Variants in TOPBP1 observed in about 807,000 individuals in gnomAD.
TOPBP1 encodes the protein DNA topoisomerase II binding protein 1, also known as DNA topoisomerase 2-binding protein 1.
Under a neutral mutation model 167.7 loss-of-function variants are expected in TOPBP1, and 28 were observed. The observed-to-expected ratio is 0.17, with a 90% CI of 0.12 to 0.23. TOPBP1 has a LOEUF of 0.23. Ranked by LOEUF, TOPBP1 falls within the 10% of genes least tolerant of loss-of-function variation. The pLI is 1.00. For synonymous variants in TOPBP1, 598 were observed against 611.4 expected (o/e 0.98, Z 0.32); for missense variants, 1,554 against 1,809.6 (o/e 0.86, Z 2.56).
rs747734437 is a variant in TOPBP1 at position 133,652,449 on chromosome 3, T to A, written c.1089+14A>T. The stretch of plus-strand genomic sequence containing the variant: ...TATATCATCTACTGCATGTATTATA[T>A]AATAAAGACGTACCCGACAACCATC... On this transcript the variant is annotated intron_variant, in intron 8 of 27. Coordinates refer to ENST00000260810, the MANE Select transcript of TOPBP1 (RefSeq NM_007027.4). 1 of 1,610,670 alleles carries A rather than the reference T, an allele frequency of 6.2e-7. No individual in the cohort carries two copies. The highest frequency in any genetic ancestry group is 8.5e-7 in the Non-Finnish European group (1 of 1,179,476).
chr3:133,629,986 C>T (rs1460516294), intron 14 of TOPBP1, among the ~76,000 whole-genome samples: 15 of 152,054 alleles, frequency 9.9e-5, no homozygotes, highest in Admixed American at 9.2e-4. Context: ...CAGGGTTTCA[C>T]CATGTTGCTC....
rs1301500031 is a variant in TOPBP1 at position 133,608,431 on chromosome 3, ATCT to A, written c.4425+101_4425+103del. 3.3e-5 allele frequency: 42 copies of A among 1,282,162 alleles called. No individual in the cohort carries two copies. In the East Asian group the frequency reaches 4.2e-4, roughly 13 times the overall value. 79.4% of individuals were successfully genotyped at this position (1,282,162 alleles called of 1,614,324 possible). ...AATAGAAGAGAATAACAGGAGACTA[ATCT>A]TCTACTAATCATGAGCTGAAGGTTT... On this transcript the variant is annotated intron_variant, in intron 27 of 27. Transcript: ENST00000260810.
chr3:133,627,063 T>C (rs1437651555), intron 16 of TOPBP1, among the ~76,000 whole-genome samples: 2 of 152,196 alleles, frequency 1.3e-5, no homozygotes, highest in African/African-American at 2.4e-5. Context: ...TATGCATATA[T>C]AAATATCTAA....
In TOPBP1 at chr3:133,655,344, T is replaced by C. The variant is rs200481599; in HGVS notation, c.688A>G (p.Met230Val). 201 of 1,596,506 alleles carry C rather than the reference T, an allele frequency of 1.3e-4. No individual in the cohort carries two copies. The highest frequency in any genetic ancestry group is 1.6e-4 in the Non-Finnish European group (189 of 1,171,856). Residue 230 changes from methionine (M) to valine (V), a missense_variant, in exon 6 of 28, where the codon ATG becomes GTG. By Grantham distance (21) the Met-to-Val change is conservative. Coordinates refer to ENST00000260810, the MANE Select transcript of TOPBP1 (RefSeq NM_007027.4). ...QLTVKHGGQY[M>V]GQLKMNECTH... ...CATTCATTCATTTTCAATTGTCCCA[T>C]GTATTGACCTCCATGCTTAACTGTG...
intron 8 of TOPBP1, among the ~76,000 whole-genome samples, chr3:133,651,777 G>A (rs190046263): frequency 4.6e-5 from 7 of 152,238 alleles, no homozygotes; most frequent in African/African-American, 7.2e-5. Context: ...GTGTGACTCT[G>A]AACAAGAATT....
At chr3:133,629,877 C>A (rs1416487747) in intron 14 of TOPBP1, among the ~76,000 whole-genome samples, 1 of 152,092 alleles carries the variant, frequency 6.6e-6, no homozygotes, top group East Asian at 1.9e-4. Flanking sequence ...ACCTCTGCCT[C>A]CTGGGTTCAA....
At chr3:133,640,793 G>C (rs1935868104) in intron 12 of TOPBP1, among the ~76,000 whole-genome samples, 1 of 152,132 alleles carries the variant, frequency 6.6e-6, no homozygotes, top group Admixed American at 6.6e-5. Context: ...CAGGAGCAAA[G>C]TGTATAAATA....
At position 133,604,206 on chromosome 3, in the gene TOPBP1, C is replaced by T. The variant is rs148179943; in HGVS notation, c.4426-2813G>A. ...CTGGAGTGCAGTGGCGTGATCTCGTCTCACTGCAACCTCTGCCTCCCAGGT... is the reference window on the plus strand; with the variant it reads ...CTGGAGTGCAGTGGCGTGATCTCGTTTCACTGCAACCTCTGCCTCCCAGGT... On this transcript the variant is annotated intron_variant, in intron 27 of 27. Transcript: ENST00000260810. 2.1e-3 allele frequency among the ~76,000 whole-genome samples: 322 copies of T among 151,888 alleles called. 3 individuals carry two copies. The highest frequency in any genetic ancestry group is 7.6e-3 in the African/African-American group (315 of 41,450).
At chr3:133,653,648 G>A (rs1936377599) in intron 6 of TOPBP1, 124 bp from the exon 7 acceptor site, 4 of 733,212 alleles carry the variant, frequency 5.5e-6, no homozygotes, top group Non-Finnish European at 5.9e-6. Flanking sequence ...TTTTTTTTGA[G>A]ATGGAGTCTC....
At chr3:133,621,908 C>T (rs1414092160) in intron 19 of TOPBP1, among the ~76,000 whole-genome samples, 1 of 151,948 alleles carries the variant, frequency 6.6e-6, no homozygotes, top group Non-Finnish European at 1.5e-5. Flanking sequence ...ACCTAAATGC[C>T]TATTAAGAAT....
intron 12 of TOPBP1, among the ~76,000 whole-genome samples, chr3:133,640,630 C>T (rs1559824779): frequency 1.3e-5 from 2 of 152,026 alleles, no homozygotes; most frequent in South Asian, 2.1e-4. Flanking sequence ...AGCCTGGTCT[C>T]GAACTCCTGA....
chr3:133,620,259 C>A lies in TOPBP1; in HGVS notation c.3267G>T (p.Gly1089=), dbSNP rs1434748192. 1 of 1,613,970 alleles carries A rather than the reference C, an allele frequency of 6.2e-7. No homozygotes were observed. Among genetic ancestry groups the A allele is most frequent in the Non-Finnish European group, 8.5e-7 (1 of 1,179,892 alleles). Residue 1089 remains glycine, a synonymous_variant, in exon 20 of 28, where the codon GGG becomes GGT. Transcript: ENST00000260810. The part of the protein sequence containing the change: ...MSATSIVKPQ[G]QRTSLSRSGC... ...CACTTCTTGAAAGGGAAGTCCTCTG[C>A]CCTTGGGGTTTCACTATTGATGTTG...
At chr3:133,609,536 T>A (rs1019844783) in intron 25 of TOPBP1, among the ~76,000 whole-genome samples, 2 of 152,174 alleles carry the variant, frequency 1.3e-5, no homozygotes, top group East Asian at 3.8e-4. Context: ...GTAATCCGAA[T>A]GATAATCTCC....
At chr3:133,634,681 AG>A (rs1350039442) in intron 14 of TOPBP1, among the ~76,000 whole-genome samples, 1 of 152,208 alleles carries the variant, frequency 6.6e-6, no homozygotes, top group Admixed American at 6.5e-5. Flanking sequence ...AGGAAACTCA[AG>A]AAAAAAAACT....
chr3:133,610,905 A>G, intron 25 of TOPBP1, 99 bp downstream of exon 25: 1 of 1,322,912 alleles, frequency 7.6e-7, no homozygotes, highest in East Asian at 2.4e-5. Context: ...AGACAAGTAG[A>G]ATCATTATTT....
intron 6 of TOPBP1, among the ~76,000 whole-genome samples, chr3:133,653,927 C>T (rs942679199): frequency 6.6e-6 from 1 of 152,046 alleles, no homozygotes; most frequent in African/African-American, 2.4e-5. Flanking sequence ...CAACCGCGCC[C>T]GGCTATAACA....
chr3:133,633,866 G>A (rs1935576542), intron 14 of TOPBP1, among the ~76,000 whole-genome samples: 1 of 152,014 alleles, frequency 6.6e-6, no homozygotes, highest in African/African-American at 2.4e-5. Flanking sequence ...TTCTCACATG[G>A]CTTTACACAT....
intron 27 of TOPBP1, among the ~76,000 whole-genome samples, chr3:133,605,494 A>AG (rs1934461309): frequency 9.2e-6 from 1 of 108,778 alleles, no homozygotes; most frequent in Admixed American, 9.5e-5. Flanking sequence ...TGAAAATGTA[A>AG]TTCCCCATAG....
chr3:133,640,357 A>C (rs1049870798), intron 12 of TOPBP1, among the ~76,000 whole-genome samples, 187 bp from the exon 13 acceptor site: 3 of 152,250 alleles, frequency 2.0e-5, no homozygotes, highest in Non-Finnish European at 2.9e-5. Flanking sequence ...TAGGGTAAAA[A>C]TGTATTGCTG....
Sources: allele counts gnomAD v4.1 joint callset (sites outside exome capture counted in the v4.1 genomes callset), GRCh38; gene constraint gnomAD v4.1.1; transcripts MANE v1.5; gene names NCBI Gene and HGNC (gene_info 2026-07-23, HGNC 2026-07-21).